Variants in SCFD2 observed in about 807,000 individuals in gnomAD.
SCFD2 encodes sec1 family domain-containing protein 2.
A neutral mutation model predicts 58.9 loss-of-function variants in SCFD2; 54 were observed. The observed-to-expected ratio is 0.92, with a 90% confidence interval of 0.74 to 1.15. SCFD2 has a LOEUF of 1.15. Ranked by LOEUF, SCFD2 falls within the 50% of genes most tolerant of loss-of-function variation. The probability of loss-of-function intolerance (pLI) is 0.00; values close to 1 mark genes in which losing one functional copy is unlikely to be tolerated. For synonymous variants in SCFD2, 321 were observed against 335.9 expected, an observed-to-expected ratio of 0.96 and a Z score of 0.49; for missense variants, 805 against 836.6, an observed-to-expected ratio of 0.96 and a Z score of 0.47.
At chr4:53,048,115 C>T (rs1723088707) in intron 5 of SCFD2, among the ~76,000 whole-genome samples, 1 of 152,104 alleles carries the variant, frequency 6.6e-6, no homozygotes, top group Non-Finnish European at 1.5e-5. Context: ...CTTTAGGAGG[C>T]CGAAGTGGGT....
intron 4 of SCFD2, among the ~76,000 whole-genome samples, chr4:53,247,421 C>G (rs1301711144): frequency 6.6e-6 from 1 of 152,180 alleles, no homozygotes; most frequent in Non-Finnish European, 1.5e-5. Flanking sequence ...ATTGTTCTAT[C>G]ATAAAAACAC....
chr4:52,966,831 T>C lies in SCFD2; in HGVS notation c.1562-45961A>G, dbSNP rs149194088. ...AGACTTCCTTTGTTTTTAAAAAAAA[T>C]TGTGTAAAGCTCATGTATATAACAT... On this transcript the variant is annotated intron_variant, in intron 5 of 8. Transcript: ENST00000401642. 8.5e-4 allele frequency among the ~76,000 whole-genome samples: 130 copies of C among 152,116 alleles called. 1 individual carries two copies. The highest frequency in any genetic ancestry group is 1.6e-3 in the Non-Finnish European group (109 of 68,018).
rs566204303 is a variant in SCFD2 at position 53,329,398 on chromosome 4, C to G, written c.1008-15635G>C. Reference sequence around the variant, plus strand: ...TCTCCCAGCACGCAGCTGGAGATCTCAGAACGGGCAGACTGCCTCCTCAAG... The same window carrying G: ...TCTCCCAGCACGCAGCTGGAGATCTGAGAACGGGCAGACTGCCTCCTCAAG... On this transcript the variant is annotated intron_variant, in intron 2 of 8. Transcript: ENST00000401642. 2.4e-3 allele frequency among the ~76,000 whole-genome samples: 358 copies of G among 152,098 alleles called. 1 individual carries two copies. The highest frequency in any genetic ancestry group is 6.7e-3 in the African/African-American group (279 of 41,446).
chr4:53,208,017 C>T lies in SCFD2; in HGVS notation c.1312-62435G>A, dbSNP rs1182675993. Among the ~76,000 whole-genome samples, 5 of 151,370 alleles carry T rather than the reference C, an allele frequency of 3.3e-5. 1 individual carries two copies. Among genetic ancestry groups the T allele is most frequent in the African/African-American group, 1.2e-4 (5 of 41,068 alleles). The stretch of plus-strand genomic sequence containing the variant: ...CTATCACTAGGCTGGAGTACAGTAG[C>T]AAGATTTCAGCTCACTGCAACTTTC... On this transcript the variant is annotated intron_variant, in intron 4 of 8. Transcript: ENST00000401642.
chr4:53,212,398 T>C (rs887773686), intron 4 of SCFD2, among the ~76,000 whole-genome samples: 2 of 151,846 alleles, frequency 1.3e-5, no homozygotes, highest in Admixed American at 6.6e-5. Context: ...CAGGTGTTTG[T>C]CCATGTCACT....
intron 4 of SCFD2, among the ~76,000 whole-genome samples, chr4:53,235,369 G>A (rs1009775149): frequency 1.1e-4 from 16 of 152,196 alleles, no homozygotes; most frequent in Admixed American, 9.2e-4. Context: ...CCAATCTGTG[G>A]CAAGTAAATT....
At chr4:53,239,004 G>A (rs1156737349) in intron 4 of SCFD2, among the ~76,000 whole-genome samples, 1 of 152,072 alleles carries the variant, frequency 6.6e-6, no homozygotes, top group African/African-American at 2.4e-5. Context: ...GGAGGCCAAG[G>A]CAGGCGTCTG....
intron 5 of SCFD2, among the ~76,000 whole-genome samples, chr4:53,075,245 G>A (rs1206636972): frequency 6.6e-6 from 1 of 152,092 alleles, no homozygotes; most frequent in Non-Finnish European, 1.5e-5. Flanking sequence ...ACCTCTCTCA[G>A]CCTTGATAGA....
intron 2 of SCFD2, among the ~76,000 whole-genome samples, chr4:53,329,455 T>G (rs1420530799): frequency 2.0e-5 from 3 of 151,320 alleles, no homozygotes; most frequent in Non-Finnish European, 4.4e-5. Context: ...CCGAGCAGCC[T>G]AACTGGGAGG....
At chr4:53,277,781 G>A (rs187961033) in intron 3 of SCFD2, among the ~76,000 whole-genome samples, 2 of 152,100 alleles carry the variant, frequency 1.3e-5, no homozygotes, top group African/African-American at 2.4e-5. Flanking sequence ...GGCTCGGCGC[G>A]GTGGCTCACG....
At chr4:53,125,982 G>T (rs571667704) in intron 5 of SCFD2, among the ~76,000 whole-genome samples, 3 of 152,332 alleles carry the variant, frequency 2.0e-5, no homozygotes, top group Non-Finnish European at 2.9e-5. Flanking sequence ...GCTGCAGCTG[G>T]ATACTACCAA....
chr4:52,967,516 A>G (rs1720988940), intron 5 of SCFD2, among the ~76,000 whole-genome samples: 1 of 152,232 alleles, frequency 6.6e-6, no homozygotes, highest in African/African-American at 2.4e-5. Flanking sequence ...TAACTTGCCA[A>G]AGGAATACAG....
At chr4:53,335,268 G>T (rs186189016) in intron 2 of SCFD2, among the ~76,000 whole-genome samples, 1 of 149,626 alleles carries the variant, frequency 6.7e-6, no homozygotes, top group Admixed American at 6.7e-5. Context: ...TGATATTCCT[G>T]CCAGAAATAC....
intron 5 of SCFD2, among the ~76,000 whole-genome samples, chr4:52,967,732 T>C (rs1720993123): frequency 6.6e-6 from 1 of 152,208 alleles, no homozygotes. Flanking sequence ...TTGCCCTGTT[T>C]GCTGGTTTGG....
intron 5 of SCFD2, among the ~76,000 whole-genome samples, chr4:53,090,144 A>G (rs1323295687): frequency 8.5e-5 from 13 of 152,210 alleles, no homozygotes; most frequent in South Asian, 6.2e-4. Flanking sequence ...GGATTTCACT[A>G]ATCCCCAGGG....
intron 4 of SCFD2, among the ~76,000 whole-genome samples, chr4:53,147,779 G>T (rs76945803): frequency 0.093 from 14,189 of 152,210 alleles, 927 homozygotes; most frequent in Non-Finnish European, 0.14. Context: ...CAGATGATGA[G>T]TTTTTTAAAA....
chr4:53,318,078 G>T (rs182143292), intron 2 of SCFD2, among the ~76,000 whole-genome samples: 1 of 152,270 alleles, frequency 6.6e-6, no homozygotes, highest in East Asian at 1.9e-4. Flanking sequence ...ATATGAAAAG[G>T]TCAACAATAG....
chr4:53,048,703 GTT>G (rs1723106409), intron 5 of SCFD2, among the ~76,000 whole-genome samples: 1 of 152,196 alleles, frequency 6.6e-6, no homozygotes, highest in Non-Finnish European at 1.5e-5. Flanking sequence ...TATCTCAAAT[GTT>G]TTATTTCGAT....
intron 7 of SCFD2, among the ~76,000 whole-genome samples, chr4:52,891,837 A>G (rs1718884858): frequency 6.6e-6 from 1 of 152,248 alleles, no homozygotes; most frequent in South Asian, 2.1e-4. Flanking sequence ...TTTTCCTGAA[A>G]TGTCCCCCCT....
Sources: allele counts gnomAD v4.1 joint callset (sites outside exome capture counted in the v4.1 genomes callset), GRCh38; gene constraint gnomAD v4.1.1; transcripts MANE v1.5; gene names NCBI Gene and HGNC (gene_info 2026-07-23, HGNC 2026-07-21).